The following FIRRM variants were observed in gnomAD, a reference collection of about 807,000 sequenced individuals.
FIRRM encodes FIGNL1-interacting regulator of recombination and mitosis.
the FIRRM span, among the ~76,000 whole-genome samples, chr1:169,797,104 C>A: frequency 1.3e-5 from 2 of 152,166 alleles, no homozygotes; most frequent in Non-Finnish European, 2.9e-5. Flanking sequence ...TTCTTCACAG[C>A]GTTACCCTCA....
chr1:169,799,082 A>G, the FIRRM span: 1 of 392,306 alleles, frequency 2.5e-6, no homozygotes, highest in Non-Finnish European at 4.6e-6. Context: ...TCTATGTTAC[A>G]GCCTTTATAA....
At chr1:169,833,737 C>T in the FIRRM span, among the ~76,000 whole-genome samples, 113,572 of 151,870 alleles carry the variant, frequency 0.75, 43,537 homozygotes, top group African/African-American at 0.92. Context: ...TCTAAGAGCA[C>T]GGGGAGCTTG....
At chr1:169,841,829 A>G in the FIRRM span, among the ~76,000 whole-genome samples, 80 of 152,268 alleles carry the variant, frequency 5.3e-4, no homozygotes, top group African/African-American at 1.7e-3. Flanking sequence ...ACTATTTATT[A>G]AAGTAGATTT....
chr1:169,787,694 C>A, the FIRRM span, among the ~76,000 whole-genome samples: 25 of 152,240 alleles, frequency 1.6e-4, no homozygotes, highest in African/African-American at 6.0e-4. Flanking sequence ...TAACATTGAA[C>A]CATTTTTTTC....
chr1:169,851,763 C>A, the FIRRM span: 1 of 1,587,490 alleles, frequency 6.3e-7, no homozygotes, highest in South Asian at 1.2e-5. Flanking sequence ...CATTTCATAT[C>A]TAGTAGAGTG....
the FIRRM span, among the ~76,000 whole-genome samples, chr1:169,813,538 A>G: frequency 1.3e-5 from 2 of 152,242 alleles, no homozygotes; most frequent in Admixed American, 1.3e-4. Context: ...GGGGTGGTTT[A>G]ACACATTTAA....
At chr1:169,812,787 G>A in the FIRRM span, among the ~76,000 whole-genome samples, 2 of 151,740 alleles carry the variant, frequency 1.3e-5, no homozygotes, top group African/African-American at 2.4e-5. Context: ...AACCCAGGAG[G>A]TGGAGGTTGA....
the FIRRM span, among the ~76,000 whole-genome samples, chr1:169,838,870 T>C: frequency 6.6e-6 from 1 of 152,168 alleles, no homozygotes; most frequent in African/African-American, 2.4e-5. Context: ...GTTTGGGATA[T>C]GAATGATTTC....
At chr1:169,853,359 C>T in the FIRRM span, 1 of 316,252 alleles carries the variant, frequency 3.2e-6, no homozygotes, top group African/African-American at 2.2e-5. Flanking sequence ...AAGAATGGCA[C>T]AAAATTAAGC....
the FIRRM span, among the ~76,000 whole-genome samples, chr1:169,787,065 G>T: frequency 6.6e-6 from 1 of 152,206 alleles, no homozygotes. Flanking sequence ...TGCTGCTGCA[G>T]TGTAGCCAGG....
chr1:169,811,155 C>T, the FIRRM span, among the ~76,000 whole-genome samples: 165 of 152,172 alleles, frequency 1.1e-3, no homozygotes, highest in Non-Finnish European at 1.8e-3. Context: ...CCACCGCGCC[C>T]GGCCTGCCCC....
the FIRRM span, among the ~76,000 whole-genome samples, chr1:169,805,509 A>G: frequency 3.9e-5 from 6 of 152,218 alleles, no homozygotes; most frequent in Admixed American, 3.3e-4. Flanking sequence ...ACAGCAGGTC[A>G]TAGCGTTTAG....
the FIRRM span, among the ~76,000 whole-genome samples, chr1:169,788,690 A>T: frequency 1.5e-4 from 23 of 152,340 alleles, no homozygotes; most frequent in Admixed American, 1.4e-3. Context: ...AAATGGAAAA[A>T]GATAGCTACA....
the FIRRM span, among the ~76,000 whole-genome samples, chr1:169,822,812 ATT>A: frequency 6.6e-6 from 1 of 151,930 alleles, no homozygotes; most frequent in Non-Finnish European, 1.5e-5. Context: ...CAACTTTTCT[ATT>A]TTACAGTTAT....
At chr1:169,818,403 A>T in the FIRRM span, among the ~76,000 whole-genome samples, 3 of 152,238 alleles carry the variant, frequency 2.0e-5, no homozygotes, top group African/African-American at 4.8e-5. Context: ...TTATGACCTT[A>T]AAGCATTTAG....
chr1:169,822,425 T>G, the FIRRM span, among the ~76,000 whole-genome samples: 1 of 152,290 alleles, frequency 6.6e-6, no homozygotes, highest in Admixed American at 6.5e-5. Flanking sequence ...TATCTTTTAC[T>G]AATAATGTTT....
chr1:169,799,340 C>T, the FIRRM span, among the ~76,000 whole-genome samples: 1 of 152,134 alleles, frequency 6.6e-6, no homozygotes, highest in Non-Finnish European at 1.5e-5. Flanking sequence ...AGCTGATTGT[C>T]TAGGTGATAA....
the FIRRM span, among the ~76,000 whole-genome samples, chr1:169,832,667 G>A: frequency 6.6e-5 from 10 of 151,570 alleles, no homozygotes; most frequent in Admixed American, 1.3e-4. Flanking sequence ...ACAGTGGCTC[G>A]ATCACAGCTC....
the FIRRM span, chr1:169,842,441 G>A: frequency 5.6e-6 from 9 of 1,613,716 alleles, no homozygotes; most frequent in Non-Finnish European, 6.8e-6. Flanking sequence ...TGCTTTGCTT[G>A]CAGTATGTAA....
Sources: gnomAD v4.1 joint callset for allele counts (sites outside exome capture counted in the v4.1 genomes callset) on GRCh38, gnomAD v4.1.1 for gene constraint, MANE v1.5 for transcripts, NCBI Gene and HGNC (gene_info 2026-07-23, HGNC 2026-07-21) for gene names.